DCC: variants seen among roughly 807,000 people sequenced by gnomAD.
DCC encodes netrin receptor DCC.
DCC carries 58 observed loss-of-function variants against 172.5 expected under a neutral mutation model. The observed-to-expected ratio is 0.34, with a 90% CI of 0.27 to 0.42. DCC has a LOEUF of 0.42. Among genes scored for constraint, DCC ranks in the 10% least tolerant of loss-of-function variants. The pLI is 1.00. For missense variants in DCC, 1,740 were observed against 1,791.0 expected, an observed-to-expected ratio of 0.97 and a Z score of 0.51; for synonymous variants, 709 against 644.5, an observed-to-expected ratio of 1.10 and a Z score of -1.52.
At position 53,426,056 on chromosome 18, in the gene DCC, C is replaced by T. The variant is rs191488364; in HGVS notation, c.3164-9088C>T. On this transcript the variant is annotated intron_variant, in intron 21 of 28. Coordinates refer to ENST00000442544, the MANE Select transcript of DCC (RefSeq NM_005215.4). ...TTTTTTTCTAAGCTCATCCACCTCA[C>T]GGTTCTCTACCTAATAAATCAAGAC... Among the ~76,000 whole-genome samples the T allele has an allele frequency of 1.1e-4, 16 of 151,666 alleles. No individual in the cohort carries two copies. In the South Asian group the frequency reaches 2.5e-3, roughly 24 times the overall value.
intron 1 of DCC, among the ~76,000 whole-genome samples, chr18:52,631,513 A>G (rs1487500889): frequency 3.3e-5 from 5 of 152,328 alleles, no homozygotes; most frequent in South Asian, 4.1e-4. Context: ...AATTTAAAGA[A>G]TCTTAACTGG....
chr18:53,519,813 T>A (rs1238223874), intron 27 of DCC, among the ~76,000 whole-genome samples: 1 of 152,122 alleles, frequency 6.6e-6, no homozygotes, highest in South Asian at 2.1e-4. Flanking sequence ...TCTACCAACA[T>A]AGAAAAAGTC....
At chr18:52,942,061 G>C (rs1049024728) in intron 5 of DCC, among the ~76,000 whole-genome samples, 5 of 152,206 alleles carry the variant, frequency 3.3e-5, no homozygotes, top group Admixed American at 3.3e-4. Flanking sequence ...GGGATTACAA[G>C]TGTGAGCCAC....
chr18:53,105,360 C>G (rs1366706697), intron 7 of DCC, among the ~76,000 whole-genome samples: 1 of 151,946 alleles, frequency 6.6e-6, no homozygotes, highest in Non-Finnish European at 1.5e-5. Context: ...TAGATTCAAG[C>G]CCATTTATTT....
At chr18:53,321,205 G>C (rs1182023841) in intron 13 of DCC, among the ~76,000 whole-genome samples, 1 of 152,240 alleles carries the variant, frequency 6.6e-6, no homozygotes, top group South Asian at 2.1e-4. Flanking sequence ...GGGGATAACA[G>C]TTACATTTTT....
At chr18:52,719,582 C>T (rs375685069) in intron 1 of DCC, among the ~76,000 whole-genome samples, 5 of 145,230 alleles carry the variant, frequency 3.4e-5, no homozygotes, top group East Asian at 4.1e-4. Context: ...TATGGTCCAG[C>T]GGGGGAGATC....
chr18:53,304,858 G>A (rs376596329), intron 12 of DCC, among the ~76,000 whole-genome samples: 2 of 152,140 alleles, frequency 1.3e-5, no homozygotes, highest in East Asian at 1.9e-4. Context: ...CCTATGATAC[G>A]GTTTGACTGT....
intron 1 of DCC, among the ~76,000 whole-genome samples, chr18:52,408,667 A>G (rs1190808001): frequency 6.6e-6 from 1 of 152,130 alleles, no homozygotes; most frequent in Non-Finnish European, 1.5e-5. Context: ...AAGCATCTAT[A>G]GCTCCAGAAA....
intron 5 of DCC, among the ~76,000 whole-genome samples, chr18:53,015,664 AT>A (rs573362431): frequency 9.2e-5 from 14 of 152,192 alleles, no homozygotes; most frequent in East Asian, 5.8e-4. Context: ...ATAAAATGGT[AT>A]TTTTTTATTG....
intron 1 of DCC, among the ~76,000 whole-genome samples, chr18:52,705,760 G>A (rs765986315): frequency 9.9e-5 from 15 of 152,094 alleles, no homozygotes; most frequent in Non-Finnish European, 1.2e-4. Flanking sequence ...TAGGTAAAGC[G>A]TCAAAAATAG....
At chr18:52,405,683 A>G (rs965519423) in intron 1 of DCC, among the ~76,000 whole-genome samples, 5 of 151,774 alleles carry the variant, frequency 3.3e-5, no homozygotes, top group African/African-American at 1.2e-4. Flanking sequence ...GATACAAACA[A>G]ATGGAAGAAC....
chr18:53,029,057 G>C (rs781284891), intron 5 of DCC, among the ~76,000 whole-genome samples: 2 of 148,390 alleles, frequency 1.3e-5, no homozygotes, highest in Non-Finnish European at 1.5e-5. Flanking sequence ...ATTCATATGA[G>C]CCATATTTTG....
At chr18:53,410,707 C>T in intron 20 of DCC, 61 bp downstream of exon 20, 1 of 1,076,054 alleles carries the variant, frequency 9.3e-7, no homozygotes, top group Non-Finnish European at 1.5e-6. Flanking sequence ...AATAGCTTTG[C>T]ACTCTGTGTT....
chr18:53,139,198 C>T (rs1273508302), intron 7 of DCC, among the ~76,000 whole-genome samples: 1 of 152,150 alleles, frequency 6.6e-6, no homozygotes, highest in East Asian at 1.9e-4. Flanking sequence ...TAAACCATTA[C>T]TGGCCAATGT....
At chr18:53,006,821 C>A (rs2041653467) in intron 5 of DCC, among the ~76,000 whole-genome samples, 1 of 152,156 alleles carries the variant, frequency 6.6e-6, no homozygotes, top group Non-Finnish European at 1.5e-5. Flanking sequence ...AGTTCTGAGA[C>A]CTGTCAATAA....
At chr18:53,279,899 A>G (rs1052361536) in intron 12 of DCC, among the ~76,000 whole-genome samples, 1 of 152,058 alleles carries the variant, frequency 6.6e-6, no homozygotes, top group East Asian at 1.9e-4. Flanking sequence ...GTGCACATAG[A>G]CACAAAGACT....
At chr18:53,351,206 T>C (rs1256225524) in intron 15 of DCC, among the ~76,000 whole-genome samples, 1 of 146,136 alleles carries the variant, frequency 6.8e-6, no homozygotes, top group Non-Finnish European at 1.5e-5. Context: ...TTTCTAAAGC[T>C]ATTTGGAAAA....
intron 27 of DCC, among the ~76,000 whole-genome samples, chr18:53,517,959 G>T (rs2046357258): frequency 6.6e-6 from 1 of 152,060 alleles, no homozygotes; most frequent in South Asian, 2.1e-4. Flanking sequence ...AAGATGAAAG[G>T]GTAGAGTATT....
intron 5 of DCC, among the ~76,000 whole-genome samples, chr18:53,047,463 A>ATATATATATAT (rs2042269092): frequency 1.2e-5 from 1 of 84,394 alleles, no homozygotes; most frequent in African/African-American, 4.9e-5. Context: ...ATATATATAT[A>ATATATATATAT]CCATTTTTGC....
Sources: allele counts gnomAD v4.1 joint callset (sites outside exome capture counted in the v4.1 genomes callset), GRCh38; gene constraint gnomAD v4.1.1; transcripts MANE v1.5; gene names NCBI Gene and HGNC (gene_info 2026-07-23, HGNC 2026-07-21).